Variants in CNTN5 observed in about 807,000 individuals in gnomAD.
CNTN5 encodes the protein contactin 5, also known as contactin-5.
A neutral mutation model predicts 129.1 loss-of-function variants in CNTN5; 77 were observed. That is an observed-to-expected ratio of 0.60 (90% CI 0.50 to 0.72). The LOEUF (loss-of-function observed/expected upper bound fraction) is 0.72, where lower values mean the gene tolerates loss of function less well. Ranked by LOEUF, CNTN5 falls within the 30% of genes least tolerant of loss-of-function variation. CNTN5 has a pLI of 0.00. For missense variants in CNTN5, 1,478 were observed against 1,328.8 expected (o/e 1.11, Z -1.75); for synonymous variants, 509 against 465.6 (o/e 1.09, Z -1.20).
At chr11:99,857,501 A>G (rs1948077203) in intron 6 of CNTN5, among the ~76,000 whole-genome samples, 1 of 152,204 alleles carries the variant, frequency 6.6e-6, no homozygotes. Flanking sequence ...TACTTCATCG[A>G]TTATAAGGCC....
chr11:99,070,990 C>T (rs1175935855), intron 1 of CNTN5, among the ~76,000 whole-genome samples: 2 of 152,074 alleles, frequency 1.3e-5, no homozygotes, highest in Non-Finnish European at 2.9e-5. Context: ...TGTGACCGGT[C>T]CTGATATTCT....
intron 1 of CNTN5, among the ~76,000 whole-genome samples, chr11:99,196,686 T>A (rs539016286): frequency 1.3e-5 from 2 of 152,076 alleles, no homozygotes; most frequent in East Asian, 1.9e-4. Context: ...TATGTTTTGA[T>A]GTCTGCATCA....
intron 3 of CNTN5, among the ~76,000 whole-genome samples, chr11:99,736,474 T>A (rs1038862478): frequency 6.6e-6 from 1 of 152,142 alleles, no homozygotes; most frequent in Non-Finnish European, 1.5e-5. Context: ...CAGATTGGCC[T>A]CCAGTCAAGG....
Position 99,890,983 on chromosome 11 carries a change from A to G in CNTN5, c.578-25071A>G, listed in dbSNP as rs189712380. Among the ~76,000 whole-genome samples, 21 of 152,248 alleles carry G rather than the reference A, an allele frequency of 1.4e-4. No individual in the cohort carries two copies. In the East Asian group the frequency reaches 3.9e-3, roughly 28 times the overall value. On this transcript the variant is annotated intron_variant, in intron 6 of 24. Coordinates refer to ENST00000524871, the MANE Select transcript of CNTN5 (RefSeq NM_014361.4). ...TGAGGGACATTTTGCAAAATAACTG[A>G]CCAAAACTGCAAATAAAAGGGAAGT...
At chr11:100,242,082 A>T (rs569246223) in intron 16 of CNTN5, among the ~76,000 whole-genome samples, 2 of 152,070 alleles carry the variant, frequency 1.3e-5, no homozygotes, top group Non-Finnish European at 2.9e-5. Flanking sequence ...GTTCCTTGCT[A>T]TTGCCTTCTA....
chr11:99,688,922 G>A (rs187554428), intron 3 of CNTN5, among the ~76,000 whole-genome samples: 6 of 152,118 alleles, frequency 3.9e-5, no homozygotes, highest in Admixed American at 1.3e-4. Flanking sequence ...CCATGTCCCC[G>A]CAAACAACAT....
At chr11:99,340,841 C>T (rs1591544961) in intron 2 of CNTN5, among the ~76,000 whole-genome samples, 1 of 152,128 alleles carries the variant, frequency 6.6e-6, no homozygotes, top group Non-Finnish European at 1.5e-5. Flanking sequence ...CTACATTAAA[C>T]ATATTCATGA....
chr11:99,447,875 A>G (rs1944134502), intron 2 of CNTN5, among the ~76,000 whole-genome samples: 1 of 152,214 alleles, frequency 6.6e-6, no homozygotes, highest in African/African-American at 2.4e-5. Flanking sequence ...CAGTAAGCCA[A>G]GATCGTGCCA....
At chr11:100,169,183 A>G (rs1198242446) in intron 13 of CNTN5, among the ~76,000 whole-genome samples, 1 of 152,026 alleles carries the variant, frequency 6.6e-6, no homozygotes, top group Non-Finnish European at 1.5e-5. Flanking sequence ...AGGATATCAC[A>G]TCAACTTTGT....
chr11:99,473,399 T>C (rs1235649265), intron 2 of CNTN5, among the ~76,000 whole-genome samples: 1 of 152,158 alleles, frequency 6.6e-6, no homozygotes, highest in Non-Finnish European at 1.5e-5. Context: ...TTATATTCCT[T>C]TTGCAAATAC....
intron 1 of CNTN5, chr11:99,049,588 C>G (rs929640088): frequency 6.6e-6 from 1 of 152,002 alleles, no homozygotes; most frequent in Non-Finnish European, 1.5e-5. Flanking sequence ...TTTCAAATCC[C>G]AGTCATCTCT....
chr11:99,078,439 A>G (rs1865664789), intron 1 of CNTN5, among the ~76,000 whole-genome samples: 1 of 152,162 alleles, frequency 6.6e-6, no homozygotes, highest in African/African-American at 2.4e-5. Flanking sequence ...ATGTACCCCA[A>G]AGAAAGGAAA....
intron 3 of CNTN5, among the ~76,000 whole-genome samples, chr11:99,796,070 A>G (rs1304076436): frequency 2.6e-5 from 4 of 152,004 alleles, no homozygotes; most frequent in Non-Finnish European, 5.9e-5. Flanking sequence ...GATGGTGGCA[A>G]TGCAATGTGG....
At chr11:99,426,806 G>T (rs982674051) in intron 2 of CNTN5, among the ~76,000 whole-genome samples, 19 of 152,104 alleles carry the variant, frequency 1.2e-4, no homozygotes, top group African/African-American at 4.3e-4. Flanking sequence ...ATTCTACCAG[G>T]TCTGAAGATA....
In CNTN5 at chr11:99,903,422, G is replaced by GA. The variant is rs201587484; in HGVS notation, c.578-12623dup. Among the ~76,000 whole-genome samples, 62 of 150,320 alleles carry GA rather than the reference G, an allele frequency of 4.1e-4. 2 individuals carry two copies. The highest frequency in any genetic ancestry group is 2.2e-3 in the East Asian group (11 of 5,052). The stretch of plus-strand genomic sequence containing the variant: ...TGGGACTGGATTGGATTTGCAAAGG[G>GA]AAAAAAAAACTATTTCTTTATGAAA... On this transcript the variant is annotated intron_variant, in intron 6 of 24. Transcript: ENST00000524871.
chr11:100,014,470 A>C (rs1217326270), intron 9 of CNTN5, among the ~76,000 whole-genome samples: 1 of 152,068 alleles, frequency 6.6e-6, no homozygotes, highest in Non-Finnish European at 1.5e-5. Flanking sequence ...TGTCCCAGCT[A>C]CTCAGGAGGC....
intron 3 of CNTN5, among the ~76,000 whole-genome samples, chr11:99,677,482 A>G (rs1953341923): frequency 6.6e-6 from 1 of 152,156 alleles, no homozygotes. Context: ...TTTATCTCTT[A>G]GTTAATACAT....
intron 13 of CNTN5, among the ~76,000 whole-genome samples, chr11:100,143,069 T>A (rs903644794): frequency 6.6e-6 from 1 of 152,188 alleles, no homozygotes; most frequent in African/African-American, 2.4e-5. Context: ...TATATACAAA[T>A]ATTCCAAAAT....
chr11:100,015,811 G>A (rs1940792451), intron 9 of CNTN5, among the ~76,000 whole-genome samples: 1 of 151,624 alleles, frequency 6.6e-6, no homozygotes. Flanking sequence ...AATTACATAA[G>A]GTGTTGATGA....
Sources: gnomAD v4.1 joint callset for allele counts (sites outside exome capture counted in the v4.1 genomes callset) on GRCh38, gnomAD v4.1.1 for gene constraint, MANE v1.5 for transcripts, NCBI Gene and HGNC (gene_info 2026-07-23, HGNC 2026-07-21) for gene names.